Variants in STARD7 observed in about 807,000 individuals in gnomAD.
STARD7 encodes the protein stAR-related lipid transfer protein 7, mitochondrial.
Under a neutral mutation model 45.3 loss-of-function variants are expected in STARD7, and 30 were observed. The observed-to-expected ratio is 0.66, with a 90% CI of 0.50 to 0.90. The LOEUF (loss-of-function observed/expected upper bound fraction) is 0.90, where lower values mean the gene tolerates loss of function less well. Ranked by LOEUF, STARD7 falls within the 40% of genes least tolerant of loss-of-function variation. STARD7 has a pLI of 0.00. For synonymous variants in STARD7, 199 were observed against 183.0 expected, an observed-to-expected ratio of 1.09 and a Z score of -0.70; for missense variants, 495 against 491.3, an observed-to-expected ratio of 1.01 and a Z score of -0.07.
intron 2 of STARD7, 81 bp downstream of exon 2, chr2:96,195,260 C>T: frequency 8.0e-7 from 1 of 1,255,200 alleles, no homozygotes; most frequent in Non-Finnish European, 1.1e-6. Flanking sequence ...ACAACCAGAA[C>T]AGTTTAGAGA....
chr2:96,195,026 A>G lies in STARD7; in HGVS notation c.500-19T>C. 6.3e-7 allele frequency: 1 copy of G among 1,599,700 alleles called. No homozygotes were observed. The highest frequency in any genetic ancestry group is 8.5e-7 in the Non-Finnish European group (1 of 1,172,256). On this transcript the variant is annotated intron_variant, in intron 2 of 7. Coordinates refer to ENST00000337288, the MANE Select transcript of STARD7 (RefSeq NM_020151.4). ...CCAAAAACTAGAATGAAAAGAAAGA[A>G]TAAGGGATGCTGGCCATACTCCAGT...
intron 1 of STARD7, among the ~76,000 whole-genome samples, chr2:96,203,189 A>G (rs953500682): frequency 6.6e-6 from 1 of 152,238 alleles, no homozygotes; most frequent in African/African-American, 2.4e-5. Context: ...ATGTGGAGAA[A>G]AGGAAAACCT....
rs752734500 is a variant in STARD7 at position 96,193,335 on chromosome 2, T to C, written c.567A>G (p.Arg189=). ...TGATTACCAGGGCATCCCATTTTTTTCTATACTCTGTGTCCAGCTGCAGAA... is the reference window on the plus strand; with the variant it reads ...TGATTACCAGGGCATCCCATTTTTTCCTATACTCTGTGTCCAGCTGCAGAA... ...FFNVQLDTEY[R]KKWDALVIKL... is the part of the protein sequence containing the mutation. Residue 189 remains arginine, a synonymous_variant, in exon 4 of 8, where the codon AGA becomes AGG. Transcript: ENST00000337288. 9.3e-6 allele frequency: 15 copies of C among 1,612,760 alleles called. No homozygotes were observed. Among genetic ancestry groups the C allele is most frequent in the Non-Finnish European group, 1.3e-5 (15 of 1,178,866 alleles).
chr2:96,186,721 C>A lies in STARD7; in HGVS notation c.*9G>T. ...AGAAGCACCTTGTCCCTTCTTATCCCAAAGCCTGTCAAGCATACTCAATCC... is the reference window on the plus strand; with the variant it reads ...AGAAGCACCTTGTCCCTTCTTATCCAAAAGCCTGTCAAGCATACTCAATCC... On this transcript the variant is annotated 3_prime_UTR_variant, in exon 8 of 8. Coordinates refer to ENST00000337288, the MANE Select transcript of STARD7 (RefSeq NM_020151.4). 6.3e-7 allele frequency: 1 copy of A among 1,599,266 alleles called. No individual in the cohort carries two copies. Among genetic ancestry groups the A allele is most frequent in the Non-Finnish European group, 8.5e-7 (1 of 1,173,254 alleles).
At chr2:96,190,928 C>A (rs1683116673) in intron 6 of STARD7, among the ~76,000 whole-genome samples, 1 of 152,108 alleles carries the variant, frequency 6.6e-6, no homozygotes, top group Non-Finnish European at 1.5e-5. Context: ...TTTTGGGAGG[C>A]TGAGGTGGGA....
intron 1 of STARD7, among the ~76,000 whole-genome samples, chr2:96,204,749 C>CAAAAAAAA (rs397959036): frequency 1.6e-4 from 15 of 96,128 alleles, no homozygotes; most frequent in African/African-American, 5.5e-4. Context: ...TGACAATGGC[C>CAAAAAAAA]AAAAAAAAAA....
chr2:96,187,158 T>C (rs1007784913), intron 7 of STARD7, 59 bp downstream of exon 7: 12 of 1,266,178 alleles, frequency 9.5e-6, no homozygotes, highest in East Asian at 4.7e-5. Context: ...CATTAGGAAA[T>C]AGAGAAAAAC....
At chr2:96,207,491 A>G (rs1262484355) in intron 1 of STARD7, among the ~76,000 whole-genome samples, 1 of 152,248 alleles carries the variant, frequency 6.6e-6, no homozygotes, top group Non-Finnish European at 1.5e-5. Flanking sequence ...AACGTAATCA[A>G]TGGTACTGGG....
rs1683032835 is a variant in STARD7 at position 96,186,117 on chromosome 2, G to C, written c.*613C>G. The C allele has an allele frequency of 6.6e-6, 1 of 151,938 alleles. No homozygotes were observed. The highest frequency in any genetic ancestry group is 1.5e-5 in the Non-Finnish European group (1 of 67,996). 9.4% of individuals were successfully genotyped at this position (151,938 alleles called of 1,614,324 possible). A position where few individuals can be genotyped will look rare whatever the true frequency, so the allele number is the denominator to read the frequency against. On this transcript the variant is annotated 3_prime_UTR_variant, in exon 8 of 8. Transcript: ENST00000337288. ...GTCCCTGGCCAGGCATGGCCCAGGA[G>C]TTCAAGACCAGCCTGGGAAACAGAG...
At chr2:96,200,477 TACA>T (rs1683288717) in intron 1 of STARD7, among the ~76,000 whole-genome samples, 1 of 152,214 alleles carries the variant, frequency 6.6e-6, no homozygotes, top group Admixed American at 6.5e-5. Context: ...GGGAATTATA[TACA>T]ACAAATTGGG....
At chr2:96,190,843 G>A (rs1683115461) in intron 6 of STARD7, among the ~76,000 whole-genome samples, 1 of 151,914 alleles carries the variant, frequency 6.6e-6, no homozygotes, top group African/African-American at 2.4e-5. Flanking sequence ...GTCTCTCCAT[G>A]CTGCCTGGCC....
chr2:96,190,308 A>T (rs1238907976), intron 6 of STARD7, among the ~76,000 whole-genome samples: 1 of 151,986 alleles, frequency 6.6e-6, no homozygotes, highest in Non-Finnish European at 1.5e-5. Flanking sequence ...TAATATATTT[A>T]AAAACTAAGT....
rs141727167 is a variant in STARD7 at position 96,187,218 on chromosome 2, A to C, written c.927T>G (p.Ser309Arg). 6 of 1,611,622 alleles carry C rather than the reference A, an allele frequency of 3.7e-6. No homozygotes were observed. Among genetic ancestry groups the C allele is most frequent in the Non-Finnish European group, 5.1e-6 (6 of 1,177,866 alleles). Reference protein sequence around the residue: ...PRYCVSWMVSSGMPDFLEKLH... With the variant: ...PRYCVSWMVSRGMPDFLEKLH... The stretch of plus-strand genomic sequence containing the variant: ...CCCTGTATACTTGCCCTTACTTACC[A>C]CTGGAAACCATCCAACTAACACAGT... The change falls in exon 7 of 8, where the codon AGT becomes AGG. Residue 309 changes from serine to arginine, a missense_variant and splice_region_variant. Around this residue, in one of 2 missense-constraint regions of STARD7, gnomAD observed 213 missense variants for 271.2 expected, o/e 0.79. Transcript: ENST00000337288.
rs368914673 is a variant in STARD7, at chr2:96,187,273, C to A, written c.872G>T (p.Ser291Ile). ...ENGFDYLLTY[S>I]DNPQTVFPRY... ...AGGAAACACCGTTTGGGGATTGTCA[C>A]TGTATGTTAGTAAGTAGTCAAAGCC... is the stretch of plus-strand genomic sequence containing the variant. The change falls in exon 7 of 8, where the codon AGT becomes ATT. Residue 291 changes from serine to isoleucine, a missense_variant. Ser to Ile is a moderately radical substitution (Grantham distance 142, BLOSUM62 -2). This residue lies in a region of STARD7 where 213 missense variants were observed against 271.2 expected (regional missense o/e 0.79). Transcript: ENST00000337288. The A allele has an allele frequency of 6.2e-7, 1 of 1,613,802 alleles. No individual in the cohort carries two copies. Among genetic ancestry groups the A allele is most frequent in the Non-Finnish European group, 8.5e-7 (1 of 1,179,748 alleles).
Position 96,206,037 on chromosome 2 carries a change from A to C in STARD7, c.290+2108T>G, listed in dbSNP as rs1459313382. On this transcript the variant is annotated intron_variant, in intron 1 of 7. Coordinates refer to ENST00000337288, the MANE Select transcript of STARD7 (RefSeq NM_020151.4). ...ATTCCAAAGCTGGTTAACTCAGAGCAGTCCCTCTTGAGGAGTTGGAGTAGA... is the reference window on the plus strand; with the variant it reads ...ATTCCAAAGCTGGTTAACTCAGAGCCGTCCCTCTTGAGGAGTTGGAGTAGA... Among the ~76,000 whole-genome samples the C allele has an allele frequency of 1.3e-5, 2 of 152,192 alleles. 1 individual carries two copies. The highest frequency in any genetic ancestry group is 2.9e-5 in the Non-Finnish European group (2 of 68,036).
chr2:96,207,479 C>T (rs1683412447), intron 1 of STARD7, among the ~76,000 whole-genome samples: 1 of 152,228 alleles, frequency 6.6e-6, no homozygotes. Context: ...TACAGATTAA[C>T]AAACGTAATC....
chr2:96,199,351 A>C (rs1339440911), intron 1 of STARD7, among the ~76,000 whole-genome samples: 1 of 152,190 alleles, frequency 6.6e-6, no homozygotes, highest in Non-Finnish European at 1.5e-5. Context: ...AATTTCTTCC[A>C]ATGATGTTTT....
chr2:96,205,602 T>C (rs990905807), intron 1 of STARD7, among the ~76,000 whole-genome samples: 1 of 152,172 alleles, frequency 6.6e-6, no homozygotes, highest in African/African-American at 2.4e-5. Flanking sequence ...ATCATCTCAC[T>C]AGAACAAACG....
chr2:96,200,467 G>C (rs1558736743), intron 1 of STARD7, among the ~76,000 whole-genome samples: 1 of 152,098 alleles, frequency 6.6e-6, no homozygotes, highest in South Asian at 2.1e-4. Flanking sequence ...TAAAAACATA[G>C]GGAATTATAT....
Sources: gnomAD v4.1 joint callset for allele counts (sites outside exome capture counted in the v4.1 genomes callset) on GRCh38, gnomAD v4.1.1 for gene constraint, gnomAD v4.1.1 regional missense constraint, MANE v1.5 for transcripts, NCBI Gene and HGNC (gene_info 2026-07-23, HGNC 2026-07-21) for gene names.